PALS2: variants seen among roughly 807,000 people sequenced by gnomAD.
PALS2 encodes the protein protein PALS2.
A neutral mutation model predicts 61.6 loss-of-function variants in PALS2; 27 were observed. That is an observed-to-expected ratio of 0.44 (90% CI 0.32 to 0.60). The LOEUF is 0.60. Ranked by LOEUF, PALS2 falls within the 20% of genes least tolerant of loss-of-function variation. The pLI is 0.05. For missense variants in PALS2, 554 were observed against 639.4 expected, an observed-to-expected ratio of 0.87 and a Z score of 1.44; for synonymous variants, 236 against 218.6, an observed-to-expected ratio of 1.08 and a Z score of -0.70.
At chr7:24,624,896 G>C (rs971838927) in intron 2 of PALS2, among the ~76,000 whole-genome samples, 1 of 151,982 alleles carries the variant, frequency 6.6e-6, no homozygotes, top group Non-Finnish European at 1.5e-5. Flanking sequence ...CACCAGGCCC[G>C]GCCAATGATA....
chr7:24,576,490 CTT>C (rs1164955015), intron 1 of PALS2, among the ~76,000 whole-genome samples: 2 of 152,202 alleles, frequency 1.3e-5, no homozygotes, highest in Admixed American at 6.5e-5. Flanking sequence ...TGTTTAATGA[CTT>C]TTCTTTCTTT....
intron 1 of PALS2, among the ~76,000 whole-genome samples, chr7:24,584,425 T>G (rs1346223027): frequency 2.0e-5 from 3 of 151,160 alleles, no homozygotes; most frequent in Non-Finnish European, 4.4e-5. Context: ...ATGATGAGCA[T>G]TTTTTCATGT....
chr7:24,611,014 T>C (rs1784091624), intron 1 of PALS2, among the ~76,000 whole-genome samples: 1 of 152,122 alleles, frequency 6.6e-6, no homozygotes, highest in African/African-American at 2.4e-5. Flanking sequence ...ATTAAATGGG[T>C]GTGAACCTAT....
intron 2 of PALS2, among the ~76,000 whole-genome samples, chr7:24,641,045 C>A (rs1785525802): frequency 7.0e-6 from 1 of 142,592 alleles, no homozygotes; most frequent in Non-Finnish European, 1.5e-5. Flanking sequence ...TACTTACTTT[C>A]TGTGACAGTG....
At chr7:24,607,028 G>A (rs1783925945) in intron 1 of PALS2, among the ~76,000 whole-genome samples, 1 of 152,136 alleles carries the variant, frequency 6.6e-6, no homozygotes, top group Non-Finnish European at 1.5e-5. Flanking sequence ...CACTTGTGGT[G>A]TCCTGTTGGT....
At chr7:24,652,507 G>A (rs1786206973) in intron 5 of PALS2, among the ~76,000 whole-genome samples, 2 of 152,028 alleles carry the variant, frequency 1.3e-5, no homozygotes, top group South Asian at 2.1e-4. Context: ...TTATAAGTCC[G>A]AGGTAGCCTG....
At chr7:24,624,717 C>T (rs1173841379) in intron 2 of PALS2, among the ~76,000 whole-genome samples, 1 of 149,848 alleles carries the variant, frequency 6.7e-6, no homozygotes, top group African/African-American at 2.5e-5. Flanking sequence ...AGTGATTCTC[C>T]TGCCTCAGCC....
At chr7:24,681,319 A>G (rs1787916955) in intron 11 of PALS2, among the ~76,000 whole-genome samples, 1 of 152,034 alleles carries the variant, frequency 6.6e-6, no homozygotes, top group Non-Finnish European at 1.5e-5. Context: ...AATCGTGGCA[A>G]TTTCTTGTTT....
intron 5 of PALS2, among the ~76,000 whole-genome samples, chr7:24,652,551 A>G (rs1047491251): frequency 6.6e-6 from 1 of 152,130 alleles, no homozygotes; most frequent in African/African-American, 2.4e-5. Context: ...TAAAGAAACT[A>G]TAACATGAAG....
intron 2 of PALS2, among the ~76,000 whole-genome samples, chr7:24,639,405 T>TACAC (rs10607962): frequency 0.044 from 6,582 of 148,616 alleles, 155 homozygotes; most frequent in Non-Finnish European, 0.058. Context: ...CTTTGCTGAA[T>TACAC]ACACACACAC....
intron 1 of PALS2, among the ~76,000 whole-genome samples, chr7:24,605,135 T>C (rs541559226): frequency 2.0e-5 from 3 of 152,334 alleles, no homozygotes; most frequent in Admixed American, 6.5e-5. Flanking sequence ...TTATCAGAAA[T>C]TGAGTAATGT....
intron 9 of PALS2, among the ~76,000 whole-genome samples, chr7:24,675,144 A>C (rs1433994390): frequency 6.6e-6 from 1 of 152,168 alleles, no homozygotes; most frequent in Non-Finnish European, 1.5e-5. Flanking sequence ...TGTAAACTAA[A>C]GAACATTTCT....
chr7:24,602,322 T>C (rs1783748936), intron 1 of PALS2, among the ~76,000 whole-genome samples: 1 of 152,204 alleles, frequency 6.6e-6, no homozygotes, highest in Non-Finnish European at 1.5e-5. Context: ...TTGTTTATTT[T>C]AATCTCTTTC....
At chr7:24,653,163 C>T (rs1786248328) in intron 5 of PALS2, among the ~76,000 whole-genome samples, 1 of 152,042 alleles carries the variant, frequency 6.6e-6, no homozygotes, top group Admixed American at 6.6e-5. Flanking sequence ...AAAATATTAG[C>T]AAATCAGATT....
At chr7:24,652,020 T>A (rs982613562) in intron 5 of PALS2, among the ~76,000 whole-genome samples, 8 of 152,144 alleles carry the variant, frequency 5.3e-5, no homozygotes, top group African/African-American at 1.9e-4. Flanking sequence ...AGGAAAAGAA[T>A]TGTGAAAAAT....
chr7:24,585,146 G>A (rs1783010408), intron 1 of PALS2, among the ~76,000 whole-genome samples: 1 of 152,134 alleles, frequency 6.6e-6, no homozygotes, highest in Non-Finnish European at 1.5e-5. Context: ...GGCAATGTGG[G>A]CTCTTTTTTG....
chr7:24,579,869 A>G (rs1049221451), intron 1 of PALS2, among the ~76,000 whole-genome samples: 2 of 152,352 alleles, frequency 1.3e-5, no homozygotes, highest in South Asian at 4.1e-4. Context: ...ATAGCATATT[A>G]ATGGAACTTT....
intron 11 of PALS2, among the ~76,000 whole-genome samples, chr7:24,684,308 C>T (rs1376203963): frequency 2.0e-5 from 3 of 152,200 alleles, no homozygotes; most frequent in Non-Finnish European, 4.4e-5. Context: ...CCATGTTGGC[C>T]AGGGAGATCA....
chr7:24,626,197 A>T (rs1225662607), intron 2 of PALS2, among the ~76,000 whole-genome samples: 1 of 152,210 alleles, frequency 6.6e-6, no homozygotes, highest in Non-Finnish European at 1.5e-5. Flanking sequence ...GATCAAAAAT[A>T]CAGTATCTGA....
Sources: allele counts gnomAD v4.1 joint callset (sites outside exome capture counted in the v4.1 genomes callset), GRCh38; gene constraint gnomAD v4.1.1; transcripts MANE v1.5; gene names NCBI Gene and HGNC (gene_info 2026-07-23, HGNC 2026-07-21).